The following UTP11 variants were observed in gnomAD, a reference collection of about 807,000 sequenced individuals.
UTP11 encodes the protein UTP11 small subunit processome component, also known as probable U3 small nucleolar RNA-associated protein 11.
A neutral mutation model predicts 39.0 loss-of-function variants in UTP11; 29 were observed. That is an observed-to-expected ratio of 0.74 (90% confidence interval 0.55 to 1.01). UTP11 has a LOEUF of 1.01. Among genes scored for constraint, UTP11 ranks in the 50% least tolerant of loss-of-function variants. The probability of loss-of-function intolerance (pLI) is 0.00; values close to 1 mark genes in which losing one functional copy is unlikely to be tolerated. For synonymous variants in UTP11, 111 were observed against 105.0 expected (o/e 1.06, Z -0.35); for missense variants, 281 against 306.0 (o/e 0.92, Z 0.61).
chr1:38,016,224 A>G, intron 1 of UTP11, 135 bp from the exon 2 acceptor site: 1 of 853,950 alleles, frequency 1.2e-6, no homozygotes, highest in Non-Finnish European at 1.9e-6. Flanking sequence ...GGGAGGGAAC[A>G]GGGTCATGGG....
intron 5 of UTP11, 45 bp downstream of exon 5, chr1:38,019,197 C>T: frequency 6.2e-7 from 1 of 1,613,856 alleles, no homozygotes; most frequent in Non-Finnish European, 8.5e-7. Context: ...CCATGCCAGT[C>T]TGTGTCATTT....
At chr1:38,017,558 C>G (rs1646712954) in intron 2 of UTP11, 110 bp from the exon 3 acceptor site, 1 of 816,406 alleles carries the variant, frequency 1.2e-6, no homozygotes, top group African/African-American at 1.8e-5. Context: ...GAGTTTCACT[C>G]TGTGTGACCT....
At chr1:38,020,300 GCTA>G (rs1213282233) in intron 6 of UTP11, among the ~76,000 whole-genome samples, 1 of 151,874 alleles carries the variant, frequency 6.6e-6, no homozygotes, top group African/African-American at 2.4e-5. Flanking sequence ...ACGGGGTCTC[GCTA>G]AGTTGCCCAG....
chr1:38,018,967 G>GA (rs1646721096), intron 4 of UTP11, 92 bp from the exon 5 acceptor site: 2 of 1,055,372 alleles, frequency 1.9e-6, no homozygotes, highest in African/African-American at 1.6e-5. Context: ...TGGCAATAAT[G>GA]ATGTGAAATG....
intron 3 of UTP11, among the ~76,000 whole-genome samples, chr1:38,018,096 A>T: frequency 6.7e-6 from 1 of 149,654 alleles, no homozygotes. Flanking sequence ...TTTGAGATGG[A>T]CTCACTCTCT....
intron 4 of UTP11, 49 bp from the exon 5 acceptor site, chr1:38,019,008 TGG>T: frequency 5.7e-6 from 8 of 1,406,562 alleles, no homozygotes; most frequent in Admixed American, 2.5e-5. Context: ...TTTTTTTTTT[TGG>T]TACCCTAGAA....
Position 38,023,738 on chromosome 1 carries a change from C to A in UTP11, c.*110C>A, listed in dbSNP as rs1646750797. On this transcript the variant is annotated 3_prime_UTR_variant, in exon 8 of 8. Coordinates refer to ENST00000373014, the MANE Select transcript of UTP11 (RefSeq NM_016037.4). ...ATGGTTTTCCGGTTTGTAACCATAA[C>A]TAAATTGTCAGTCTGACATTTAATG... is the stretch of plus-strand genomic sequence containing the variant. The A allele has an allele frequency of 1.2e-6, 1 of 840,364 alleles. No homozygotes were observed. Among genetic ancestry groups the A allele is most frequent in the Admixed American group, 3.3e-5 (1 of 30,384 alleles). The allele number at this position is 840,364 out of a possible 1,614,324, so 52.1% of individuals were successfully genotyped here. A position where few individuals can be genotyped will look rare whatever the true frequency, so the allele number is the denominator to read the frequency against.
rs894667635 is a variant in UTP11, at chr1:38,020,934, T to C, written c.567+1551T>C. ...TTGTCAATTAGGTGTACTTTTTTTT[T>C]TTTTTGAGACGGAGTCTCACTCTGT... On this transcript the variant is annotated intron_variant, in intron 6 of 7. Coordinates refer to ENST00000373014, the MANE Select transcript of UTP11 (RefSeq NM_016037.4). Among the ~76,000 whole-genome samples, 16 of 152,186 alleles carry C rather than the reference T, an allele frequency of 1.1e-4. No homozygotes were observed. The Middle Eastern group carries it at 0.01, about 97-fold the overall frequency.
intron 4 of UTP11, 41 bp from the exon 5 acceptor site, chr1:38,019,018 G>A: frequency 1.5e-6 from 2 of 1,366,580 alleles, no homozygotes; most frequent in East Asian, 2.3e-5. Flanking sequence ...TGGTACCCTA[G>A]AAGAATCTAA....
intron 6 of UTP11, among the ~76,000 whole-genome samples, chr1:38,021,448 A>G (rs916002838): frequency 6.6e-6 from 1 of 152,202 alleles, no homozygotes; most frequent in East Asian, 1.9e-4. Flanking sequence ...GTGGATTGCA[A>G]GGATATTTTG....
intron 6 of UTP11, 68 bp downstream of exon 6, chr1:38,019,451 T>G (rs2148738356): frequency 2.2e-6 from 3 of 1,365,254 alleles, no homozygotes; most frequent in South Asian, 1.8e-5. Context: ...TTGTTTTTTT[T>G]TTTTTGCTAC....
At chr1:38,023,444 T>G in intron 7 of UTP11, 101 bp from the exon 8 acceptor site, 8 of 1,029,904 alleles carry the variant, frequency 7.8e-6, no homozygotes, top group Admixed American at 2.6e-5. Context: ...TTCTCAACTT[T>G]GAGAAGGGCT....
chr1:38,016,333 CTGT>C (rs747440781), intron 1 of UTP11, 23 bp from the exon 2 acceptor site: 2 of 1,613,396 alleles, frequency 1.2e-6, no homozygotes, highest in Admixed American at 1.7e-5. Context: ...AAACTAAGCA[CTGT>C]TGTTCTTTCT....
chr1:38,013,171 T>C (rs148796187), intron 1 of UTP11, among the ~76,000 whole-genome samples: 8 of 152,216 alleles, frequency 5.3e-5, no homozygotes, highest in Admixed American at 1.3e-4. Context: ...TTCTGAGGAG[T>C]TGAGGTCAGA....
intron 6 of UTP11, among the ~76,000 whole-genome samples, chr1:38,020,925 CTT>C (rs34333804): frequency 6.2e-5 from 9 of 145,150 alleles, no homozygotes; most frequent in Admixed American, 6.9e-5. Flanking sequence ...ATTAGGTGTA[CTT>C]TTTTTTTTTT....
chr1:38,019,393 T>G lies in UTP11; in HGVS notation c.567+10T>G. 1 of 1,609,152 alleles carries G rather than the reference T, an allele frequency of 6.2e-7. No individual in the cohort carries two copies. Among genetic ancestry groups the G allele is most frequent in the Non-Finnish European group, 8.5e-7 (1 of 1,177,330 alleles). On this transcript the variant is annotated intron_variant, in intron 6 of 7. Transcript: ENST00000373014. ...TCAGACTGGACTTAAGGTAATTTTC[T>G]CTGTTGTTCTTCACATGTGAGCTTA...
chr1:38,013,877 G>C (rs1646692452), intron 1 of UTP11, among the ~76,000 whole-genome samples: 1 of 152,156 alleles, frequency 6.6e-6, no homozygotes, highest in South Asian at 2.1e-4. Flanking sequence ...ACCATGCCCT[G>C]CTAATTTTTG....
chr1:38,021,138 G>T (rs758703688), intron 6 of UTP11, among the ~76,000 whole-genome samples: 1 of 152,048 alleles, frequency 6.6e-6, no homozygotes, highest in Non-Finnish European at 1.5e-5. Flanking sequence ...GGCTAGGCTG[G>T]TCTTGAACTC....
At position 38,017,624 on chromosome 1, in the gene UTP11, A is replaced by ATTT. The variant is rs61711547; in HGVS notation, c.126-33_126-31dup. 8.1e-3 allele frequency: 8,745 copies of ATTT among 1,076,532 alleles called. 62 individuals carry two copies. The highest frequency in any genetic ancestry group is 0.032 in the East Asian group (921 of 29,094). The allele number at this position is 1,076,532 out of a possible 1,614,324, so 66.7% of individuals were successfully genotyped here. On this transcript the variant is annotated intron_variant, in intron 2 of 7. Coordinates refer to ENST00000373014, the MANE Select transcript of UTP11 (RefSeq NM_016037.4). ...GGTTTTTGGTTTTTTAAAATTATCT[A>ATTT]TTTTTTTTTTTTTGCTATGAACCTC...
Sources: allele counts gnomAD v4.1 joint callset (sites outside exome capture counted in the v4.1 genomes callset), GRCh38; gene constraint gnomAD v4.1.1; transcripts MANE v1.5; gene names NCBI Gene and HGNC (gene_info 2026-07-23, HGNC 2026-07-21).